Variants in DCLK2 observed in about 807,000 individuals in gnomAD.
DCLK2 encodes serine/threonine-protein kinase DCLK2.
A neutral mutation model predicts 78.4 loss-of-function variants in DCLK2; 31 were observed. That is an observed-to-expected ratio of 0.40 (90% CI 0.30 to 0.53). The LOEUF is 0.53. Ranked by LOEUF, DCLK2 falls within the 20% of genes least tolerant of loss-of-function variation. The pLI, the probability that DCLK2 is intolerant of heterozygous loss-of-function variation, is 0.61. For missense variants in DCLK2, 872 were observed against 973.7 expected, an observed-to-expected ratio of 0.90 and a Z score of 1.39; for synonymous variants, 407 against 374.9, an observed-to-expected ratio of 1.09 and a Z score of -0.99.
intron 5 of DCLK2, among the ~76,000 whole-genome samples, chr4:150,214,953 CAAAAAAAAA>C (rs60156550): frequency 2.3e-5 from 2 of 86,474 alleles, no homozygotes; most frequent in Non-Finnish European, 4.7e-5. Context: ...CAGAGTGTCT[CAAAAAAAAA>C]AAAAAAAAAA....
chr4:150,175,117 T>TA (rs1491141894), intron 2 of DCLK2, among the ~76,000 whole-genome samples: 942 of 69,258 alleles, frequency 0.014, 93 homozygotes, highest in African/African-American at 0.039. Context: ...TATATTTATA[T>TA]TTTTTATATA....
At chr4:150,246,824 G>A (rs2126621110) in intron 12 of DCLK2, among the ~76,000 whole-genome samples, 1 of 152,264 alleles carries the variant, frequency 6.6e-6, no homozygotes, top group Non-Finnish European at 1.5e-5. Flanking sequence ...CTCCGAGGGT[G>A]GGTCAGTCAG....
chr4:150,208,365 A>C (rs893273792), intron 5 of DCLK2, among the ~76,000 whole-genome samples: 1 of 152,114 alleles, frequency 6.6e-6, no homozygotes, highest in Non-Finnish European at 1.5e-5. Flanking sequence ...AACCTTGTTT[A>C]GTCTTCAAGA....
intron 10 of DCLK2, among the ~76,000 whole-genome samples, chr4:150,237,849 C>T (rs192138735): frequency 1.3e-5 from 2 of 152,246 alleles, no homozygotes; most frequent in East Asian, 1.9e-4. Context: ...AAAATAGAAA[C>T]AGGCATTACA....
Position 150,140,092 on chromosome 4 carries a change from C to T in DCLK2, c.756+37280C>T, listed in dbSNP as rs543082122. ...CCATTGTATATAATAGAATGAAGGACACTGGTATAAAGAGGGGAATGTAGA... is the reference window on the plus strand; with the variant it reads ...CCATTGTATATAATAGAATGAAGGATACTGGTATAAAGAGGGGAATGTAGA... On this transcript the variant is annotated intron_variant, in intron 2 of 15. Coordinates refer to ENST00000296550, the MANE Select transcript of DCLK2 (RefSeq NM_001040260.4). Among the ~76,000 whole-genome samples, 5 of 152,152 alleles carry T rather than the reference C, an allele frequency of 3.3e-5. No individual in the cohort carries two copies. The South Asian group carries it at 1.0e-3, about 32-fold the overall frequency.
chr4:150,229,171 T>C (rs1381458964), intron 8 of DCLK2, among the ~76,000 whole-genome samples: 1 of 151,780 alleles, frequency 6.6e-6, no homozygotes, highest in Non-Finnish European at 1.5e-5. Context: ...GAGACCCCAT[T>C]TCTGCAAAAA....
intron 2 of DCLK2, among the ~76,000 whole-genome samples, chr4:150,165,682 T>C (rs1336351907): frequency 1.3e-5 from 2 of 152,256 alleles, no homozygotes; most frequent in East Asian, 3.9e-4. Flanking sequence ...TGCTTAGAAC[T>C]GATGGAAGGG....
intron 8 of DCLK2, among the ~76,000 whole-genome samples, chr4:150,230,702 T>C (rs1354761071): frequency 1.3e-5 from 2 of 152,138 alleles, no homozygotes; most frequent in African/African-American, 4.8e-5. Context: ...GTTTGCCAAG[T>C]CTTTTGTCTT....
At chr4:150,211,757 G>A (rs551524551) in intron 5 of DCLK2, among the ~76,000 whole-genome samples, 9 of 152,044 alleles carry the variant, frequency 5.9e-5, no homozygotes, top group South Asian at 2.1e-4. Context: ...TGTGGACCTC[G>A]TTTGCTTCTT....
At chr4:150,247,824 CTTT>C in intron 13 of DCLK2, 125 bp downstream of exon 13, 1 of 713,594 alleles carries the variant, frequency 1.4e-6, no homozygotes, top group South Asian at 2.1e-5. Flanking sequence ...TGTGGTTCTT[CTTT>C]TAAGTTTATC....
intron 2 of DCLK2, among the ~76,000 whole-genome samples, chr4:150,175,011 A>AAAAAAAAAAATAT (rs1454035697): frequency 6.0e-4 from 6 of 9,976 alleles, no homozygotes; most frequent in East Asian, 1.5e-3. Flanking sequence ...AAAAAAAAAA[A>AAAAAAAAAAATAT]ATATATATAT....
At chr4:150,248,809 G>A (rs919822329) in intron 14 of DCLK2, among the ~76,000 whole-genome samples, 2 of 152,088 alleles carry the variant, frequency 1.3e-5, no homozygotes, top group South Asian at 4.1e-4. Flanking sequence ...CTGTTGATGG[G>A]GAGGCTGAGA....
Position 150,232,394 on chromosome 4 carries a change from A to C in DCLK2, c.1357A>C (p.Ile453Leu). 1 of 1,614,136 alleles carries C rather than the reference A, an allele frequency of 6.2e-7. No individual in the cohort carries two copies. Among genetic ancestry groups the C allele is most frequent in the Non-Finnish European group, 8.5e-7 (1 of 1,180,006 alleles). ...ILRRVKHPNI[I>L]MLVEEMETAT... Reference sequence around the variant, plus strand: ...GCGCCGAGTGAAACATCCCAATATCATTATGCTGGTCGAGGAGATGGAAAC... The same window carrying C: ...GCGCCGAGTGAAACATCCCAATATCCTTATGCTGGTCGAGGAGATGGAAAC... Residue 453 changes from isoleucine to leucine, a missense_variant, in exon 9 of 16, where the codon ATT (isoleucine) becomes CTT (leucine). Ile to Leu is a conservative substitution (Grantham distance 5). This residue lies in a region of DCLK2 where 567 missense variants were observed against 593.4 expected (regional missense o/e 0.96). Transcript: ENST00000296550.
chr4:150,153,882 C>A, intron 2 of DCLK2, among the ~76,000 whole-genome samples: 1 of 152,146 alleles, frequency 6.6e-6, no homozygotes, highest in Non-Finnish European at 1.5e-5. Flanking sequence ...CAGTGTGTTT[C>A]CTGTGGCTTT....
At chr4:150,104,600 G>A (rs1426455089) in intron 2 of DCLK2, among the ~76,000 whole-genome samples, 1 of 151,838 alleles carries the variant, frequency 6.6e-6, no homozygotes, top group East Asian at 1.9e-4. Context: ...GACTTATGCT[G>A]GTATTTAAAG....
At position 150,116,416 on chromosome 4, in the gene DCLK2, C is replaced by T. The variant is rs140398989; in HGVS notation, c.756+13604C>T. 3.4e-3 allele frequency among the ~76,000 whole-genome samples: 515 copies of T among 152,314 alleles called. 4 individuals are homozygous for T. The highest frequency in any genetic ancestry group is 0.011 in the African/African-American group (443 of 41,568). ...TGCCTCTGCTGAAACTTCCCACAAGCGGAAAGTTCAGGGACTCAAGGCCTG... is the reference window on the plus strand; with the variant it reads ...TGCCTCTGCTGAAACTTCCCACAAGTGGAAAGTTCAGGGACTCAAGGCCTG... On this transcript the variant is annotated intron_variant, in intron 2 of 15. Coordinates refer to ENST00000296550, the MANE Select transcript of DCLK2 (RefSeq NM_001040260.4).
Position 150,079,327 on chromosome 4 carries a change from T to G in DCLK2, c.300T>G (p.Asp100Glu), listed in dbSNP as rs368816953. 150 of 1,589,778 alleles carry G rather than the reference T, an allele frequency of 9.4e-5. No individual in the cohort carries two copies. The highest frequency in any genetic ancestry group is 1.2e-4 in the Non-Finnish European group (143 of 1,168,362). Residue 100 changes from aspartate (D) to glutamate (E), a missense_variant, in exon 1 of 16, where the codon GAT becomes GAG. By Grantham distance (45) the Asp-to-Glu change is conservative. Around this residue, in one of 3 missense-constraint regions of DCLK2, gnomAD observed 567 missense variants for 593.4 expected, o/e 0.96. Transcript: ENST00000296550. ...CCAGCGACCGCTTCCGGTCCTTCGATGCGCTCCTCATAGAGCTCACCCGCT... is the reference window on the plus strand; with the variant it reads ...CCAGCGACCGCTTCCGGTCCTTCGAGGCGCTCCTCATAGAGCTCACCCGCT... ...AISSDRFRSF[D>E]ALLIELTRSL... is the part of the protein sequence containing the mutation.
intron 1 of DCLK2, among the ~76,000 whole-genome samples, chr4:150,101,116 A>G (rs938913883): frequency 9.2e-5 from 14 of 152,136 alleles, no homozygotes; most frequent in East Asian, 1.9e-4. Flanking sequence ...TTAGCCAGGC[A>G]TAGTGGCATG....
Position 150,228,889 on chromosome 4 carries a change from G to A in DCLK2, c.1300-3448G>A, listed in dbSNP as rs374877921. On this transcript the variant is annotated intron_variant, in intron 8 of 15. Transcript: ENST00000296550. ...AAAATACAAAAAATTAGCCAGGCGC[G>A]GTGGCGGGCGCCTGTAGTCCCAGCT... 3.4e-4 allele frequency among the ~76,000 whole-genome samples: 51 copies of A among 152,028 alleles called. 1 individual carries two copies. Among genetic ancestry groups the A allele is most frequent in the South Asian group, 2.1e-3 (10 of 4,794 alleles).
Sources: gnomAD v4.1 joint callset for allele counts (sites outside exome capture counted in the v4.1 genomes callset) on GRCh38, gnomAD v4.1.1 for gene constraint, gnomAD v4.1.1 regional missense constraint, MANE v1.5 for transcripts, NCBI Gene and HGNC (gene_info 2026-07-23, HGNC 2026-07-21) for gene names.